OIT3: variants seen among roughly 807,000 people sequenced by gnomAD.
The protein encoded by OIT3 is oncoprotein induced transcript 3.
Under a neutral mutation model 52.2 loss-of-function variants are expected in OIT3, and 41 were observed. The ratio of observed to expected loss-of-function variants is 0.79; its 90% CI spans 0.61 to 1.02. OIT3 has a LOEUF of 1.02. Ranked by LOEUF, OIT3 falls within the 50% of genes least tolerant of loss-of-function variation. OIT3 has a pLI of 0.00. For missense variants in OIT3, 634 were observed against 715.5 expected (o/e 0.89, Z 1.30); for synonymous variants, 244 against 276.9 (o/e 0.88, Z 1.18).
At chr10:72,929,334 T>C (rs1846195218) in intron 7 of OIT3, among the ~76,000 whole-genome samples, 1 of 151,248 alleles carries the variant, frequency 6.6e-6, no homozygotes, top group Admixed American at 6.6e-5. Context: ...AACTATTAGG[T>C]ACCCACTAAA....
intron 6 of OIT3, 110 bp downstream of exon 6, chr10:72,913,578 C>G: frequency 1.1e-6 from 1 of 888,196 alleles, no homozygotes; most frequent in Non-Finnish European, 1.9e-6. Flanking sequence ...TATTTACACA[C>G]AAAAGAACTG....
In OIT3 at chr10:72,900,115, A is replaced by T. The variant is rs979596209; in HGVS notation, c.437-262A>T. Among the ~76,000 whole-genome samples the T allele has an allele frequency of 2.0e-5, 3 of 152,152 alleles. No homozygotes were observed. In the South Asian group the frequency reaches 6.2e-4, roughly 32 times the overall value. On this transcript the variant is annotated intron_variant, in intron 2 of 8. Coordinates refer to ENST00000334011, the MANE Select transcript of OIT3 (RefSeq NM_152635.3). Reference sequence around the variant, plus strand: ...ACCCTGAACAATGAGGATTCCCTTGATGGTGGCTGGAAACTCATCCCCCAG... The same window carrying T: ...ACCCTGAACAATGAGGATTCCCTTGTTGGTGGCTGGAAACTCATCCCCCAG...
At chr10:72,914,965 A>G (rs1412891541) in intron 6 of OIT3, among the ~76,000 whole-genome samples, 1 of 152,080 alleles carries the variant, frequency 6.6e-6, no homozygotes, top group Non-Finnish European at 1.5e-5. Context: ...TCCCAGGTTC[A>G]AGCGATTCTC....
intron 5 of OIT3, among the ~76,000 whole-genome samples, chr10:72,912,220 AGGGTTAACAAT>A (rs1167972737): frequency 6.6e-6 from 1 of 150,832 alleles, no homozygotes; most frequent in African/African-American, 2.4e-5. Flanking sequence ...TTAGGATATG[AGGGTTAACAAT>A]CCTCTGAGAA....
chr10:72,932,595 T>G lies in OIT3; in HGVS notation c.*71T>G. 1 of 1,384,378 alleles carries G rather than the reference T, an allele frequency of 7.2e-7. No homozygotes were observed. Among genetic ancestry groups the G allele is most frequent in the Non-Finnish European group, 9.8e-7 (1 of 1,018,226 alleles). The allele number at this position is 1,384,378 out of a possible 1,614,324, so 85.8% of individuals were successfully genotyped here. On this transcript the variant is annotated 3_prime_UTR_variant, in exon 9 of 9. Transcript: ENST00000334011. Reference sequence around the variant, plus strand: ...TGGAGCTTCTCCCCCCACCGCCCTCTAAGAACATCTGCCAACAGCTGGGTT... The same window carrying G: ...TGGAGCTTCTCCCCCCACCGCCCTCGAAGAACATCTGCCAACAGCTGGGTT...
intron 3 of OIT3, among the ~76,000 whole-genome samples, chr10:72,904,727 C>T (rs1231599840): frequency 1.3e-5 from 2 of 152,200 alleles, no homozygotes; most frequent in Non-Finnish European, 2.9e-5. Flanking sequence ...CGATAATGCT[C>T]TCTCACAGTG....
At chr10:72,929,868 A>G (rs1293841489) in intron 7 of OIT3, among the ~76,000 whole-genome samples, 4 of 152,078 alleles carry the variant, frequency 2.6e-5, no homozygotes, top group African/African-American at 9.7e-5. Context: ...CCCCCAGCTA[A>G]CCCTGAAGTG....
chr10:72,932,323 T>C (rs375048463), intron 8 of OIT3, 31 bp from the exon 9 acceptor site: 1 of 1,609,744 alleles, frequency 6.2e-7, no homozygotes, highest in African/African-American at 1.3e-5. Context: ...GCAGTTATTG[T>C]TTTTATTAAC....
At chr10:72,894,996 G>A (rs7100001) in intron 1 of OIT3, among the ~76,000 whole-genome samples, 38,423 of 152,070 alleles carry the variant, frequency 0.25, 11,037 homozygotes, top group African/African-American at 0.71. Flanking sequence ...GAAACTAAGG[G>A]AATCTGAATA....
chr10:72,926,530 C>T (rs1426179836), intron 7 of OIT3, among the ~76,000 whole-genome samples: 3 of 152,226 alleles, frequency 2.0e-5, no homozygotes, highest in African/African-American at 7.2e-5. Context: ...GATCTTGTCA[C>T]ATCCCTGCTG....
intron 4 of OIT3, among the ~76,000 whole-genome samples, chr10:72,909,049 A>G (rs1409295173): frequency 6.7e-6 from 1 of 150,324 alleles, no homozygotes; most frequent in Admixed American, 6.6e-5. Flanking sequence ...TGGTGAATGT[A>G]GTACCCAATA....
chr10:72,932,601 C>A lies in OIT3; in HGVS notation c.*77C>A. 2.3e-6 allele frequency: 3 copies of A among 1,321,328 alleles called. No homozygotes were observed. Among genetic ancestry groups the A allele is most frequent in the Non-Finnish European group, 2.1e-6 (2 of 964,396 alleles). 81.9% of individuals were successfully genotyped at this position (1,321,328 alleles called of 1,614,324 possible). On this transcript the variant is annotated 3_prime_UTR_variant, in exon 9 of 9. Transcript: ENST00000334011. ...TTCTCCCCCCACCGCCCTCTAAGAA[C>A]ATCTGCCAACAGCTGGGTTCAGACT...
At chr10:72,926,855 T>C (rs1013533162) in intron 7 of OIT3, among the ~76,000 whole-genome samples, 3 of 152,202 alleles carry the variant, frequency 2.0e-5, no homozygotes, top group Non-Finnish European at 4.4e-5. Context: ...TTTTAAAAAA[T>C]AACTTTAGTA....
At chr10:72,931,285 G>A (rs978831093) in intron 8 of OIT3, among the ~76,000 whole-genome samples, 1 of 152,156 alleles carries the variant, frequency 6.6e-6, no homozygotes, top group Non-Finnish European at 1.5e-5. Context: ...GAAGCCAGGA[G>A]TTTGAGACCA....
intron 6 of OIT3, among the ~76,000 whole-genome samples, chr10:72,916,345 G>A (rs577043297): frequency 2.6e-5 from 4 of 152,006 alleles, no homozygotes; most frequent in African/African-American, 7.2e-5. Flanking sequence ...TCTCTGATAG[G>A]CCCCAGTGTG....
At chr10:72,930,450 C>A in intron 7 of OIT3, 88 bp from the exon 8 acceptor site, 1 of 979,666 alleles carries the variant, frequency 1.0e-6, no homozygotes, top group Non-Finnish European at 1.6e-6. Flanking sequence ...ACCCCTTTGG[C>A]TCTCCTTGGG....
chr10:72,919,379 T>A (rs1248249531), intron 6 of OIT3, among the ~76,000 whole-genome samples: 2 of 152,212 alleles, frequency 1.3e-5, no homozygotes, highest in African/African-American at 2.4e-5. Flanking sequence ...AGATATGGAA[T>A]CTTGTCATCT....
chr10:72,907,024 T>G (rs1196325518), intron 4 of OIT3, among the ~76,000 whole-genome samples: 1 of 152,110 alleles, frequency 6.6e-6, no homozygotes, highest in African/African-American at 2.4e-5. Flanking sequence ...CACAGCACTT[T>G]GGGAGGCTGA....
At chr10:72,917,170 T>A (rs1044447226) in intron 6 of OIT3, among the ~76,000 whole-genome samples, 7 of 152,158 alleles carry the variant, frequency 4.6e-5, no homozygotes, top group African/African-American at 7.2e-5. Context: ...TTTAATTAGA[T>A]CCCATTTGCC....
Sources: gnomAD v4.1 joint callset for allele counts (sites outside exome capture counted in the v4.1 genomes callset) on GRCh38, gnomAD v4.1.1 for gene constraint, MANE v1.5 for transcripts, NCBI Gene and HGNC (gene_info 2026-07-23, HGNC 2026-07-21) for gene names.